The following NAALADL2 variants were observed in gnomAD, a reference collection of about 807,000 sequenced individuals.
NAALADL2 encodes the protein inactive N-acetylated-alpha-linked acidic dipeptidase-like protein 2.
Under a neutral mutation model 87.2 loss-of-function variants are expected in NAALADL2, and 76 were observed. The ratio of observed to expected loss-of-function variants is 0.87; its 90% CI spans 0.72 to 1.05. The LOEUF (loss-of-function observed/expected upper bound fraction) is 1.05, where lower values mean the gene tolerates loss of function less well. Among genes scored for constraint, NAALADL2 ranks in the 50% least tolerant of loss-of-function variants. The pLI, the probability that NAALADL2 is intolerant of heterozygous loss-of-function variation, is 0.00. For synonymous variants in NAALADL2, 354 were observed against 331.0 expected (o/e 1.07, Z -0.75); for missense variants, 1,089 against 945.8 (o/e 1.15, Z -1.99).
chr3:175,419,599 G>A (rs1425079677), intron 5 of NAALADL2, among the ~76,000 whole-genome samples: 1 of 151,906 alleles, frequency 6.6e-6, no homozygotes, highest in African/African-American at 2.4e-5. Context: ...TGTGTTCTCA[G>A]AGAGACCTGA....
intron 3 of NAALADL2, among the ~76,000 whole-genome samples, chr3:174,759,456 T>G (rs1239808501): frequency 6.6e-6 from 1 of 152,236 alleles, no homozygotes; most frequent in Admixed American, 6.5e-5. Context: ...AATGCAGATC[T>G]AACGATGCTT....
intron 1 of NAALADL2, among the ~76,000 whole-genome samples, chr3:174,984,112 T>TTA (rs1745494427): frequency 6.6e-6 from 1 of 152,064 alleles, no homozygotes; most frequent in African/African-American, 2.4e-5. Context: ...TGAGATGTTT[T>TTA]AAAAAAACAC....
intron 2 of NAALADL2, among the ~76,000 whole-genome samples, chr3:175,178,264 C>T (rs1055396227): frequency 6.6e-5 from 10 of 151,864 alleles, no homozygotes; most frequent in Admixed American, 5.3e-4. Context: ...GAAGAAAAGC[C>T]ATCTCATATA....
chr3:174,697,458 T>G (rs956587057), intron 2 of NAALADL2, among the ~76,000 whole-genome samples: 1 of 152,168 alleles, frequency 6.6e-6, no homozygotes, highest in Admixed American at 6.5e-5. Context: ...TAAGTCACAT[T>G]AGTTCAGCTT....
At chr3:175,589,042 A>C (rs1215036153) in intron 10 of NAALADL2, among the ~76,000 whole-genome samples, 1 of 152,336 alleles carries the variant, frequency 6.6e-6, no homozygotes, top group African/African-American at 2.4e-5. Context: ...ACATATTTAG[A>C]TATTTTTTGA....
intron 4 of NAALADL2, among the ~76,000 whole-genome samples, chr3:175,285,010 G>T (rs1209880899): frequency 6.6e-6 from 1 of 152,108 alleles, no homozygotes; most frequent in Non-Finnish European, 1.5e-5. Context: ...CAGCTTCTAT[G>T]GGATACTTTG....
At chr3:175,698,299 ATATGTGTATATATGTATGTGTATTTATG>A (rs1489343795) in intron 11 of NAALADL2, among the ~76,000 whole-genome samples, 5,808 of 86,846 alleles carry the variant, frequency 0.067, 1,416 homozygotes, top group Non-Finnish European at 0.077. Flanking sequence ...GTATACATAT[ATATGTGTATATATGTATGTGTATTTATG>A]TATGTGTATA....
At chr3:175,780,947 T>G (rs1246017711) in intron 13 of NAALADL2, among the ~76,000 whole-genome samples, 3 of 152,212 alleles carry the variant, frequency 2.0e-5, no homozygotes, top group Non-Finnish European at 1.5e-5. Flanking sequence ...TAATCTTATT[T>G]ATTTTCAAAA....
chr3:175,015,794 T>C (rs1220619950), intron 1 of NAALADL2, among the ~76,000 whole-genome samples: 1 of 152,084 alleles, frequency 6.6e-6, no homozygotes, highest in Non-Finnish European at 1.5e-5. Context: ...ATAAAATTAT[T>C]TTGCAAAATA....
At position 175,345,953 on chromosome 3, in the gene NAALADL2, T is replaced by C. The variant is rs373199478; in HGVS notation, c.1090+21628T>C. ...AAATTTACCCTACCCAGAATAGTAT[T>C]TACAAGAAACAGACTGTGATTTATT... On this transcript the variant is annotated intron_variant, in intron 5 of 13. Transcript: ENST00000454872. Among the ~76,000 whole-genome samples the C allele has an allele frequency of 3.7e-4, 56 of 152,256 alleles. No homozygotes were observed. The South Asian group carries it at 0.012, about 32-fold the overall frequency.
rs142306227 is a variant in NAALADL2, at chr3:175,529,815, G to A, written c.1654-46226G>A. On this transcript the variant is annotated intron_variant, in intron 9 of 13. Coordinates refer to ENST00000454872, the MANE Select transcript of NAALADL2 (RefSeq NM_207015.3). ...TCCATGGATCGTAGTCTTGGCAGAA[G>A]CATTGTGTGCAGGATAGGCAAATAT... is the stretch of plus-strand genomic sequence containing the variant. Among the ~76,000 whole-genome samples the A allele has an allele frequency of 7.9e-4, 121 of 152,314 alleles. 1 individual carries two copies. In the East Asian group the frequency reaches 0.02, roughly 25 times the overall value.
chr3:174,657,486 G>A (rs891399812), intron 2 of NAALADL2, among the ~76,000 whole-genome samples: 9 of 151,928 alleles, frequency 5.9e-5, no homozygotes, highest in South Asian at 2.1e-4. Flanking sequence ...ATCATGTTTC[G>A]GAAATTTTAT....
At chr3:174,947,599 T>C (rs990935117) in intron 1 of NAALADL2, among the ~76,000 whole-genome samples, 1 of 152,142 alleles carries the variant, frequency 6.6e-6, no homozygotes, top group Non-Finnish European at 1.5e-5. Flanking sequence ...CTAATAGTTC[T>C]TCTTTATAAA....
rs903895727 is a variant in NAALADL2 at position 174,925,280 on chromosome 3, T to C, written c.43+65830T>C. Among the ~76,000 whole-genome samples, 9 of 152,212 alleles carry C rather than the reference T, an allele frequency of 5.9e-5. No homozygotes were observed. The South Asian group carries it at 6.2e-4, about 11-fold the overall frequency. On this transcript the variant is annotated intron_variant, in intron 1 of 13. Coordinates refer to ENST00000454872, the MANE Select transcript of NAALADL2 (RefSeq NM_207015.3). ...TAAGGAAGGGATCCAGTTTCAGCTT[T>C]CTACATATGGCTAGCCAGTTTTCCC...
chr3:174,939,026 G>A (rs762161158), intron 1 of NAALADL2, among the ~76,000 whole-genome samples: 13 of 152,000 alleles, frequency 8.6e-5, no homozygotes, highest in Admixed American at 3.3e-4. Context: ...GATCCTTCTC[G>A]TCAATTTTTG....
chr3:175,515,220 G>T (rs569338529), intron 9 of NAALADL2, among the ~76,000 whole-genome samples: 1 of 152,108 alleles, frequency 6.6e-6, no homozygotes, highest in Non-Finnish European at 1.5e-5. Context: ...TTAAAAATAG[G>T]CTATAAATTA....
At chr3:174,765,119 C>G (rs1427330073) in intron 3 of NAALADL2, among the ~76,000 whole-genome samples, 4 of 107,276 alleles carry the variant, frequency 3.7e-5, no homozygotes, top group Non-Finnish European at 8.9e-5. Context: ...GAAATACACA[C>G]ACATACACAC....
At chr3:175,413,193 T>C (rs1713927743) in intron 5 of NAALADL2, among the ~76,000 whole-genome samples, 1 of 142,424 alleles carries the variant, frequency 7.0e-6, no homozygotes, top group African/African-American at 2.7e-5. Context: ...GGTCAGGAGA[T>C]GGAGAATATC....
intron 1 of NAALADL2, among the ~76,000 whole-genome samples, chr3:174,986,263 CAA>C (rs1491260811): frequency 1.4e-5 from 2 of 140,022 alleles, no homozygotes; most frequent in African/African-American, 2.8e-5. Context: ...TATATATACA[CAA>C]TATATATATA....
Sources: gnomAD v4.1 joint callset for allele counts (sites outside exome capture counted in the v4.1 genomes callset) on GRCh38, gnomAD v4.1.1 for gene constraint, MANE v1.5 for transcripts, NCBI Gene and HGNC (gene_info 2026-07-23, HGNC 2026-07-21) for gene names.